Variants in KIRREL1 observed in about 807,000 individuals in gnomAD.
KIRREL1 encodes the protein kin of IRRE-like protein 1.
A neutral mutation model predicts 83.3 loss-of-function variants in KIRREL1; 25 were observed. The ratio of observed to expected loss-of-function variants is 0.30; its 90% confidence interval spans 0.22 to 0.42. The LOEUF is 0.42. KIRREL1 is among the 10% of genes least tolerant of loss of function. The probability of loss-of-function intolerance (pLI) is 1.00; values close to 1 mark genes in which losing one functional copy is unlikely to be tolerated. For missense variants in KIRREL1, 812 were observed against 1,032.3 expected, an observed-to-expected ratio of 0.79 and a Z score of 2.92; for synonymous variants, 388 against 410.4, an observed-to-expected ratio of 0.95 and a Z score of 0.66.
In KIRREL1 at chr1:158,015,640, ACTTTAC is replaced by A. The variant is rs141464419; in HGVS notation, c.52+21915_52+21920del. 6.3e-3 allele frequency among the ~76,000 whole-genome samples: 957 copies of A among 152,286 alleles called. 30 individuals carry two copies. In the East Asian group the frequency reaches 0.063, roughly 10 times the overall value. On this transcript the variant is annotated intron_variant, in intron 1 of 14. Coordinates refer to ENST00000359209, the MANE Select transcript of KIRREL1 (RefSeq NM_018240.7). Reference sequence around the variant, plus strand: ...ATCCACAGGAGAAAGTTCCAGAGCTACTTTACCTAAGCTTCTGGTTCATTTTTTTAT... The same window carrying A: ...ATCCACAGGAGAAAGTTCCAGAGCTACTAAGCTTCTGGTTCATTTTTTTAT...
At chr1:158,057,599 G>C (rs1661100300) in intron 1 of KIRREL1, among the ~76,000 whole-genome samples, 2 of 152,166 alleles carry the variant, frequency 1.3e-5, no homozygotes, top group Admixed American at 6.5e-5. Flanking sequence ...CTCCTAGGAT[G>C]ATCTGAGGAA....
chr1:158,097,126 C>T lies in KIRREL1; in HGVS notation c.*2006C>T. 4.4e-6 allele frequency: 2 copies of T among 454,728 alleles called. No individual in the cohort carries two copies. Among genetic ancestry groups the T allele is most frequent in the South Asian group, 3.1e-5 (2 of 64,140 alleles). 28.2% of individuals were successfully genotyped at this position (454,728 alleles called of 1,614,324 possible). On this transcript the variant is annotated 3_prime_UTR_variant, in exon 15 of 15. Coordinates refer to ENST00000359209, the MANE Select transcript of KIRREL1 (RefSeq NM_018240.7). The stretch of plus-strand genomic sequence containing the variant: ...CCTATCTGGGGCATTTACAGGCTTC[C>T]AGCTGTATTCCATCCCTGGAAGCTG...
intron 1 of KIRREL1, among the ~76,000 whole-genome samples, chr1:157,999,769 G>A (rs957093339): frequency 1.3e-5 from 2 of 152,140 alleles, no homozygotes; most frequent in Admixed American, 6.5e-5. Flanking sequence ...GAAAGAGGCT[G>A]TCATGTCCTT....
chr1:158,046,748 C>T (rs146283534), intron 1 of KIRREL1, among the ~76,000 whole-genome samples: 6 of 151,926 alleles, frequency 3.9e-5, no homozygotes, highest in Non-Finnish European at 7.4e-5. Flanking sequence ...AAGATGAGGA[C>T]GAAGATGAGG....
chr1:158,022,020 C>G (rs1438655664), intron 1 of KIRREL1, among the ~76,000 whole-genome samples: 1 of 151,570 alleles, frequency 6.6e-6, no homozygotes, highest in East Asian at 1.9e-4. Context: ...AAGAAATCCA[C>G]TCCAGGTGTG....
At chr1:158,081,519 A>G (rs1482816381) in intron 3 of KIRREL1, among the ~76,000 whole-genome samples, 1 of 152,184 alleles carries the variant, frequency 6.6e-6, no homozygotes, top group Non-Finnish European at 1.5e-5. Flanking sequence ...TTTTATAAAC[A>G]AGGAGACTGA....
At chr1:158,014,883 T>C (rs1659784685) in intron 1 of KIRREL1, among the ~76,000 whole-genome samples, 1 of 151,814 alleles carries the variant, frequency 6.6e-6, no homozygotes, top group Non-Finnish European at 1.5e-5. Context: ...GAAGGGGAGG[T>C]GCGTTCTCCT....
intron 1 of KIRREL1, among the ~76,000 whole-genome samples, chr1:158,063,120 C>A (rs182705787): frequency 2.0e-5 from 3 of 152,278 alleles, no homozygotes; most frequent in South Asian, 2.1e-4. Context: ...TTCTTGTCTT[C>A]AAGGCTCAAT....
At chr1:158,029,369 A>ATGTG (rs1218198001) in intron 1 of KIRREL1, among the ~76,000 whole-genome samples, 52 of 145,192 alleles carry the variant, frequency 3.6e-4, no homozygotes, top group East Asian at 1.6e-3. Context: ...GTGTGTGTGC[A>ATGTG]CGTGCGCGCG....
intron 1 of KIRREL1, among the ~76,000 whole-genome samples, chr1:158,002,722 G>A (rs1187784323): frequency 1.3e-5 from 2 of 152,120 alleles, no homozygotes; most frequent in South Asian, 2.1e-4. Flanking sequence ...AAGCCTAACC[G>A]TCCAGTGAGG....
chr1:157,996,183 G>A (rs962900049), intron 1 of KIRREL1, among the ~76,000 whole-genome samples: 2 of 151,966 alleles, frequency 1.3e-5, no homozygotes, highest in African/African-American at 2.4e-5. Flanking sequence ...AATAAAAATC[G>A]CATTTTAAAG....
chr1:158,057,191 G>C (rs1234060316), intron 1 of KIRREL1, among the ~76,000 whole-genome samples: 1 of 152,158 alleles, frequency 6.6e-6, no homozygotes, highest in African/African-American at 2.4e-5. Flanking sequence ...CACGAAGAGA[G>C]CTGAGGGTTG....
rs79800960 is a variant in KIRREL1, at chr1:158,029,368, C to T, written c.52+35640C>T. Among the ~76,000 whole-genome samples, 40 of 6,282 alleles carry T rather than the reference C, an allele frequency of 6.4e-3. No individual in the cohort carries two copies. In the East Asian group the frequency reaches 0.087, roughly 14 times the overall value. 4.1% of individuals were successfully genotyped at this position (6,282 alleles called of 152,430 possible). ...GTGTGTGTGTGTGTGTGTGTGTGTG[C>T]ACGTGCGCGCGCATGCACACATGCA... is the stretch of plus-strand genomic sequence containing the variant. On this transcript the variant is annotated intron_variant, in intron 1 of 14. Coordinates refer to ENST00000359209, the MANE Select transcript of KIRREL1 (RefSeq NM_018240.7).
intron 11 of KIRREL1, 101 bp downstream of exon 11, chr1:158,091,657 G>A: frequency 8.6e-7 from 1 of 1,160,210 alleles, no homozygotes; most frequent in African/African-American, 1.5e-5. Context: ...CCTTCCCTTG[G>A]GCTCTGCTCT....
intron 1 of KIRREL1, among the ~76,000 whole-genome samples, chr1:158,009,905 G>C (rs1659623189): frequency 6.6e-6 from 1 of 152,164 alleles, no homozygotes; most frequent in South Asian, 2.1e-4. Flanking sequence ...GGTTTCCTGG[G>C]CATTACAATA....
chr1:158,017,266 C>T (rs1659854370), intron 1 of KIRREL1, among the ~76,000 whole-genome samples: 1 of 152,218 alleles, frequency 6.6e-6, no homozygotes, highest in South Asian at 2.1e-4. Context: ...TCACTCTTCT[C>T]TGTCATTCCC....
chr1:158,042,071 T>C (rs1441043820), intron 1 of KIRREL1, among the ~76,000 whole-genome samples: 3 of 152,142 alleles, frequency 2.0e-5, no homozygotes, highest in African/African-American at 7.2e-5. Context: ...AGAACACTGT[T>C]ACATTGCCCG....
intron 1 of KIRREL1, among the ~76,000 whole-genome samples, chr1:158,069,059 T>C (rs377239619): frequency 1.3e-5 from 2 of 152,062 alleles, no homozygotes; most frequent in Admixed American, 1.3e-4. Flanking sequence ...TGCCGCCTGG[T>C]CCCCTGGCAT....
intron 1 of KIRREL1, among the ~76,000 whole-genome samples, chr1:158,021,533 G>T (rs6666443): frequency 1.5e-4 from 23 of 152,100 alleles, no homozygotes; most frequent in African/African-American, 5.3e-4. Flanking sequence ...TGTGGAAGTT[G>T]GGCTAGGTAA....
Sources: gnomAD v4.1 joint callset for allele counts (sites outside exome capture counted in the v4.1 genomes callset) on GRCh38, gnomAD v4.1.1 for gene constraint, MANE v1.5 for transcripts, NCBI Gene and HGNC (gene_info 2026-07-23, HGNC 2026-07-21) for gene names.